Variants in SLC29A1 observed in about 807,000 individuals in gnomAD.
The protein encoded by SLC29A1 is solute carrier family 29 member 1 (Augustine blood group), also known as equilibrative nucleoside transporter 1.
A neutral mutation model predicts 48.3 loss-of-function variants in SLC29A1; 22 were observed. The observed-to-expected ratio is 0.46, with a 90% CI of 0.33 to 0.65. The LOEUF is 0.65. Among genes scored for constraint, SLC29A1 ranks in the 30% least tolerant of loss-of-function variants. SLC29A1 has a pLI of 0.03. For synonymous variants in SLC29A1, 228 were observed against 231.0 expected (o/e 0.99, Z 0.12); for missense variants, 491 against 575.3 (o/e 0.85, Z 1.50).
At chr6:44,228,602 C>T (rs1471413200) in intron 2 of SLC29A1, among the ~76,000 whole-genome samples, 3 of 152,176 alleles carry the variant, frequency 2.0e-5, no homozygotes, top group Admixed American at 1.3e-4. Flanking sequence ...GGTGTGCAAA[C>T]CCAACTGGAG....
chr6:44,220,137 C>T (rs1776171836), upstream of SLC29A1, among the ~76,000 whole-genome samples: 1 of 152,090 alleles, frequency 6.6e-6, no homozygotes, highest in African/African-American at 2.4e-5. Context: ...GTGAACACAC[C>T]TGTCTTTACT....
In SLC29A1 at chr6:44,231,420, C is replaced by T; in HGVS notation, c.823C>T (p.Pro275Ser). The T allele has an allele frequency of 6.2e-7, 1 of 1,607,494 alleles. No individual in the cohort carries two copies. Among genetic ancestry groups the T allele is most frequent in the Non-Finnish European group, 8.5e-7 (1 of 1,175,978 alleles). Residue 275 changes from proline to serine, a missense_variant, in exon 9 of 13, where the codon CCC becomes TCC. Pro to Ser is a moderately conservative substitution (Grantham distance 74). Coordinates refer to ENST00000371755, the MANE Select transcript of SLC29A1 (RefSeq NM_001372327.1). ...ESGVSVSNSQ[P>S]TNESHSIKAI... ...TGGAGTTTCAGTCTCCAACTCTCAGCCCACCAATGAAAGCCACTCTATCAA... is the reference window on the plus strand; with the variant it reads ...TGGAGTTTCAGTCTCCAACTCTCAGTCCACCAATGAAAGCCACTCTATCAA...
At position 44,232,587 on chromosome 6, in the gene SLC29A1, TAATG is replaced by T; in HGVS notation, c.1059+163_1059+166del. ...AAGTACAAGTCTTAAGTGTACAACT[TAATG>T]AATATATGTATATACACATACCTGC... On this transcript the variant is annotated intron_variant, in intron 11 of 12. Transcript: ENST00000371755. This position sits in a 1 kb window ranked among gnomAD's most constrained non-coding sequence, Gnocchi z 4.7. The T allele has an allele frequency of 1.5e-6, 1 of 648,870 alleles. No individual in the cohort carries two copies. The highest frequency in any genetic ancestry group is 1.9e-5 in the South Asian group (1 of 53,656). The allele number at this position is 648,870 out of a possible 1,614,324, so 40.2% of individuals were successfully genotyped here.
chr6:44,233,653 G>C lies in SLC29A1; in HGVS notation c.*125G>C. ...CTAACTGACTTCTGCTTTCCACGGC[G>C]TGTGCTGGGCCCGGATCTCCAGGCC... On this transcript the variant is annotated 3_prime_UTR_variant, in exon 13 of 13. Coordinates refer to ENST00000371755, the MANE Select transcript of SLC29A1 (RefSeq NM_001372327.1). The C allele has an allele frequency of 1.3e-6, 1 of 748,412 alleles. No individual in the cohort carries two copies. The highest frequency in any genetic ancestry group is 2.6e-5 in the East Asian group (1 of 38,658). The allele number at this position is 748,412 out of a possible 1,614,324, so 46.4% of individuals were successfully genotyped here. A position where few individuals can be genotyped will look rare whatever the true frequency, so the allele number is the denominator to read the frequency against.
At position 44,233,011 on chromosome 6, in the gene SLC29A1, G is replaced by A; in HGVS notation, c.1259+5G>A. The A allele has an allele frequency of 6.2e-7, 1 of 1,611,346 alleles. No homozygotes were observed. Among genetic ancestry groups the A allele is most frequent in the South Asian group, 1.1e-5 (1 of 91,082 alleles). On this transcript the variant is annotated splice_donor_5th_base_variant and intron_variant, in intron 12 of 12. Transcript: ENST00000371755. ...CTGCATGTGCTTCGGGCCCAAGTGA[G>A]TAGGGCTGGCAGGGAACTTGGTGGC... is the stretch of plus-strand genomic sequence containing the variant.
chr6:44,232,087 C>T lies in SLC29A1; in HGVS notation c.954C>T (p.Ile318=), dbSNP rs375868043. 90 of 1,613,512 alleles carry T rather than the reference C, an allele frequency of 5.6e-5. No individual in the cohort carries two copies. The East Asian group carries it at 1.1e-3, about 20-fold the overall frequency. The change falls in exon 10 of 13, where the codon ATC becomes ATT. Residue 318 remains isoleucine, a synonymous_variant. Transcript: ENST00000371755. This position sits in a 1 kb window ranked among gnomAD's most constrained non-coding sequence, Gnocchi z 4.7. ...TGACTGTTGAGGTCAAGTCCAGCAT[C>T]GCAGGCAGCAGCACCTGGGGTGAGG... is the stretch of plus-strand genomic sequence containing the variant. ...PAVTVEVKSS[I]AGSSTWERYF...
Position 44,232,244 on chromosome 6 carries a change from C to T in SLC29A1, c.974-99C>T. 8.7e-7 allele frequency: 1 copy of T among 1,155,232 alleles called. No individual in the cohort carries two copies. The highest frequency in any genetic ancestry group is 1.3e-6 in the Non-Finnish European group (1 of 763,002). The allele number at this position is 1,155,232 out of a possible 1,614,324, so 71.6% of individuals were successfully genotyped here. A position where few individuals can be genotyped will look rare whatever the true frequency, so the allele number is the denominator to read the frequency against. On this transcript the variant is annotated intron_variant, in intron 10 of 12. Transcript: ENST00000371755. This position sits in a 1 kb window ranked among gnomAD's most constrained non-coding sequence, Gnocchi z 4.7. ...CCCTTCCCTGGGCTGGAAGCATCTT[C>T]TCCATTTTACTGTTGGGGAAGCTGA... is the stretch of plus-strand genomic sequence containing the variant.
upstream of SLC29A1, among the ~76,000 whole-genome samples, chr6:44,222,620 G>A (rs1320891447): frequency 6.6e-6 from 1 of 151,962 alleles, no homozygotes; most frequent in African/African-American, 2.4e-5. Flanking sequence ...GGCAGGGAGT[G>A]CCCCCCACCC....
At chr6:44,223,511 T>C (rs1582924968), upstream of SLC29A1, 1 of 1,040,778 alleles carries the variant, frequency 9.6e-7, no homozygotes, top group African/African-American at 1.8e-5. This position sits in a 1 kb window ranked among gnomAD's most constrained non-coding sequence, Gnocchi z 5.0. Context: ...GCCGCGGGCG[T>C]CGGGGAGGTG....
rs1195496828 is a variant in SLC29A1, at chr6:44,232,896, C to A, written c.1149C>A (p.Arg383=). Reference sequence around the variant, plus strand: ...TGCTGCTGTGCAACATTAAGCCCCGCCGCTACCTGACTGTGGTCTTCGAGC... The same window carrying A: ...TGCTGCTGTGCAACATTAAGCCCCGACGCTACCTGACTGTGGTCTTCGAGC... ...PLLLLCNIKP[R]RYLTVVFEHD... is the part of the protein sequence containing the mutation. Residue 383 remains arginine (R), a synonymous_variant, in exon 12 of 13, where the codon CGC becomes CGA. Transcript: ENST00000371755. This position sits in a 1 kb window ranked among gnomAD's most constrained non-coding sequence, Gnocchi z 4.7. The A allele has an allele frequency of 6.2e-7, 1 of 1,614,072 alleles. No individual in the cohort carries two copies. Among genetic ancestry groups the A allele is most frequent in the Non-Finnish European group, 8.5e-7 (1 of 1,180,052 alleles).
chr6:44,232,866 A>G lies in SLC29A1; in HGVS notation c.1119A>G (p.Pro373=), dbSNP rs1297854133. The change falls in exon 12 of 13, where the codon CCA becomes CCG. Residue 373 remains proline, a synonymous_variant. Coordinates refer to ENST00000371755, the MANE Select transcript of SLC29A1 (RefSeq NM_001372327.1). This position sits in a 1 kb window ranked among gnomAD's most constrained non-coding sequence, Gnocchi z 4.7. ...TGCTGGCCCGGCTGGTGTTTGTGCCACTGCTGCTGCTGTGCAACATTAAGC... is the reference window on the plus strand; with the variant it reads ...TGCTGGCCCGGCTGGTGTTTGTGCCGCTGCTGCTGCTGTGCAACATTAAGC... ...SLVLARLVFV[P]LLLLCNIKPR... The G allele has an allele frequency of 6.2e-7, 1 of 1,613,894 alleles. No individual in the cohort carries two copies. The highest frequency in any genetic ancestry group is 1.1e-5 in the South Asian group (1 of 91,082).
chr6:44,230,435 C>T lies in SLC29A1; in HGVS notation c.543C>T (p.Gly181=), dbSNP rs750001663. Residue 181 remains glycine (G), a synonymous_variant, in exon 6 of 13, where the codon GGC becomes GGT. Transcript: ENST00000371755. ...SYTAPIMSGQ[G]LAGFFASVAM... ...CGGCCCCCATCATGAGTGGCCAGGG[C>T]CTAGCAGGCTTCTTTGCCTCCGTGG... The T allele has an allele frequency of 2.5e-6, 4 of 1,613,920 alleles. No individual in the cohort carries two copies. The highest frequency in any genetic ancestry group is 3.4e-6 in the Non-Finnish European group (4 of 1,180,006).
In SLC29A1 at chr6:44,232,396, T is replaced by A. The variant is rs1407704963; in HGVS notation, c.1027T>A (p.Leu343Met). 1 of 1,613,748 alleles carries A rather than the reference T, an allele frequency of 6.2e-7. No individual in the cohort carries two copies. Among genetic ancestry groups the A allele is most frequent in the Non-Finnish European group, 8.5e-7 (1 of 1,179,726 alleles). The change falls in exon 11 of 13, where the codon TTG becomes ATG. Residue 343 changes from leucine (L) to methionine (M), a missense_variant. Transcript: ENST00000371755. The surrounding 1 kb of genome is among the most constrained non-coding windows in gnomAD (Gnocchi z 4.7). ...CTTGACTTTCAATATCTTTGACTGG[T>A]TGGGCCGGAGCCTCACAGCTGTATT... is the stretch of plus-strand genomic sequence containing the variant. ...CFLTFNIFDWLGRSLTAVFMW... is the reference protein window; with the variant it reads ...CFLTFNIFDWMGRSLTAVFMW...
chr6:44,219,649 C>T (rs66872347), upstream of SLC29A1: 88,035 of 1,247,964 alleles, frequency 0.071, 3,468 homozygotes, highest in Middle Eastern at 0.088. Flanking sequence ...CCGGTCAGGC[C>T]CGGCGCGGGC....
chr6:44,223,885 C>T lies in SLC29A1; in HGVS notation c.-52+244C>T. 1 of 996,342 alleles carries T rather than the reference C, an allele frequency of 1.0e-6. No individual in the cohort carries two copies. The highest frequency in any genetic ancestry group is 1.2e-6 in the Non-Finnish European group (1 of 837,134). 61.7% of individuals were successfully genotyped at this position (996,342 alleles called of 1,614,324 possible). On this transcript the variant is annotated intron_variant, in intron 1 of 12. Transcript: ENST00000371755. The surrounding 1 kb of genome is among the most constrained non-coding windows in gnomAD (Gnocchi z 5.0). ...GGGCGGGGCGGCCTGGCTCCCGGGC[C>T]TAAAACAGGCTGCGGTCACGTTGAC...
upstream of SLC29A1, among the ~76,000 whole-genome samples, chr6:44,220,797 C>G (rs542180273): frequency 2.0e-5 from 3 of 151,884 alleles, no homozygotes; most frequent in South Asian, 6.2e-4. Context: ...TGCACTCCAG[C>G]CTGGGTGACA....
intron 8 of SLC29A1, 108 bp downstream of exon 8, chr6:44,230,997 C>A: frequency 1.2e-6 from 1 of 859,872 alleles, no homozygotes; most frequent in Non-Finnish European, 2.0e-6. Context: ...CAGCCCTGAG[C>A]CAGAGGAGGA....
chr6:44,226,163 A>G, intron 1 of SLC29A1: 1 of 978,758 alleles, frequency 1.0e-6, no homozygotes, highest in Non-Finnish European at 1.2e-6. Flanking sequence ...CAGTCTGGGC[A>G]CCTGGTGAGT....
chr6:44,228,867 G>A (rs867335214), intron 2 of SLC29A1, among the ~76,000 whole-genome samples: 5 of 152,174 alleles, frequency 3.3e-5, no homozygotes, highest in Admixed American at 6.5e-5. Context: ...TCTTCACAGC[G>A]GCCCTGAGGC....
Sources: gnomAD v4.1 joint callset for allele counts (sites outside exome capture counted in the v4.1 genomes callset) on GRCh38, gnomAD v4.1.1 for gene constraint, Gnocchi (gnomAD v3.1) non-coding constraint, MANE v1.5 for transcripts, NCBI Gene and HGNC (gene_info 2026-07-23, HGNC 2026-07-21) for gene names.